PARD3B: variants seen among roughly 807,000 people sequenced by gnomAD.
The protein encoded by PARD3B is par-3 family cell polarity regulator beta.
A neutral mutation model predicts 130.2 loss-of-function variants in PARD3B; 103 were observed. That is an observed-to-expected ratio of 0.79 (90% CI 0.67 to 0.93). The LOEUF is 0.93. Among genes scored for constraint, PARD3B ranks in the 40% least tolerant of loss-of-function variants. The pLI is 0.00. For synonymous variants in PARD3B, 583 were observed against 553.2 expected, an observed-to-expected ratio of 1.05 and a Z score of -0.76; for missense variants, 1,609 against 1,499.2, an observed-to-expected ratio of 1.07 and a Z score of -1.21.
At chr2:204,594,886 G>T (rs1193917380) in intron 1 of PARD3B, among the ~76,000 whole-genome samples, 1 of 152,172 alleles carries the variant, frequency 6.6e-6, no homozygotes, top group African/African-American at 2.4e-5. Context: ...GTTGGTGTTT[G>T]TGAAGTCGTT....
chr2:205,157,238 AG>A (rs1158190596), intron 10 of PARD3B, among the ~76,000 whole-genome samples: 1 of 152,208 alleles, frequency 6.6e-6, no homozygotes, highest in Non-Finnish European at 1.5e-5. Context: ...TGAAAGACAA[AG>A]GTGAAGGCTA....
chr2:204,931,357 A>G (rs766747333), intron 2 of PARD3B, among the ~76,000 whole-genome samples: 51 of 152,212 alleles, frequency 3.4e-4, no homozygotes, highest in Non-Finnish European at 5.7e-4. Context: ...CTCTTAGCAT[A>G]GTGCCTGGCA....
intron 4 of PARD3B, among the ~76,000 whole-genome samples, chr2:205,089,146 C>G (rs1359977104): frequency 7.0e-6 from 1 of 143,266 alleles, no homozygotes; most frequent in African/African-American, 2.6e-5. Context: ...TTTTTTCTTT[C>G]TTTTTTTTTT....
intron 3 of PARD3B, among the ~76,000 whole-genome samples, chr2:204,971,840 T>A (rs1049850993): frequency 1.3e-5 from 2 of 150,706 alleles, no homozygotes; most frequent in Non-Finnish European, 3.0e-5. Flanking sequence ...TTTAATTTTT[T>A]TTTTTTTTTT....
intron 19 of PARD3B, among the ~76,000 whole-genome samples, chr2:205,429,125 G>A (rs148272608): frequency 1.4e-3 from 206 of 152,220 alleles, no homozygotes; most frequent in Non-Finnish European, 2.5e-3. Context: ...GAATGCAATT[G>A]AATAAAAATC....
At chr2:204,681,333 G>T (rs2036822582) in intron 1 of PARD3B, among the ~76,000 whole-genome samples, 2 of 152,090 alleles carry the variant, frequency 1.3e-5, no homozygotes, top group Non-Finnish European at 2.9e-5. Context: ...TGTAATTAAA[G>T]GTTTATAATT....
intron 2 of PARD3B, among the ~76,000 whole-genome samples, chr2:204,848,264 T>A (rs1299136070): frequency 2.0e-5 from 3 of 152,172 alleles, no homozygotes; most frequent in African/African-American, 4.8e-5. Context: ...TTGGAGCATA[T>A]CCCCTGTGGA....
At chr2:205,581,500 C>T (rs973487431) in intron 22 of PARD3B, among the ~76,000 whole-genome samples, 18 of 142,120 alleles carry the variant, frequency 1.3e-4, no homozygotes, top group African/African-American at 4.5e-4. Flanking sequence ...ACATGGTGCA[C>T]AAGGATGCAG....
chr2:204,666,289 A>C (rs2125194491), intron 1 of PARD3B, among the ~76,000 whole-genome samples: 1 of 152,318 alleles, frequency 6.6e-6, no homozygotes, highest in East Asian at 1.9e-4. Flanking sequence ...CTAATTGGAG[A>C]ACTGAGGAAG....
At chr2:205,328,961 T>C (rs1415231201) in intron 18 of PARD3B, among the ~76,000 whole-genome samples, 3 of 152,210 alleles carry the variant, frequency 2.0e-5, no homozygotes, top group Non-Finnish European at 2.9e-5. Flanking sequence ...CCTCAATGCA[T>C]TTCTACTACC....
At chr2:204,676,998 C>T (rs534878204) in intron 1 of PARD3B, among the ~76,000 whole-genome samples, 16 of 152,178 alleles carry the variant, frequency 1.1e-4, no homozygotes, top group Non-Finnish European at 1.6e-4. Context: ...ATCTTTCTTA[C>T]GCTGAGTTTC....
chr2:204,779,735 G>A (rs1479488150), intron 2 of PARD3B, among the ~76,000 whole-genome samples: 1 of 152,128 alleles, frequency 6.6e-6, no homozygotes, highest in African/African-American at 2.4e-5. Flanking sequence ...TAGAGTGGAT[G>A]GTATTCGAGG....
In PARD3B at chr2:205,148,540, TTAAG is replaced by T. The variant is rs2033527473; in HGVS notation, c.1435-10180_1435-10177del. On this transcript the variant is annotated intron_variant, in intron 10 of 22. Coordinates refer to ENST00000406610, the MANE Select transcript of PARD3B (RefSeq NM_001302769.2). ...CAGAAGATTAAATAATTTCAGAAAATTAAGTGTCTTGCAGGTGTCTTATCCTTTC... is the reference window on the plus strand; with the variant it reads ...CAGAAGATTAAATAATTTCAGAAAATTGTCTTGCAGGTGTCTTATCCTTTC... Among the ~76,000 whole-genome samples the T allele has an allele frequency of 2.0e-5, 3 of 152,262 alleles. No homozygotes were observed. In the South Asian group the frequency reaches 6.2e-4, roughly 32 times the overall value.
At chr2:204,630,457 CTCTA>C (rs1162463136) in intron 1 of PARD3B, among the ~76,000 whole-genome samples, 7 of 152,084 alleles carry the variant, frequency 4.6e-5, no homozygotes, top group African/African-American at 1.4e-4. Context: ...TTTTGAACAT[CTCTA>C]TCCATCTCAT....
rs2051303319 is a variant in PARD3B at position 205,525,625 on chromosome 2, CAGAATCAT to C, written c.3180+25596_3180+25603del. 6.6e-6 allele frequency among the ~76,000 whole-genome samples: 1 copy of C among 152,166 alleles called. No homozygotes were observed. The highest frequency in any genetic ancestry group is 2.4e-5 in the African/African-American group (1 of 41,446). On this transcript the variant is annotated intron_variant, in intron 21 of 22. Coordinates refer to ENST00000406610, the MANE Select transcript of PARD3B (RefSeq NM_001302769.2). This position sits in a 1 kb window ranked among gnomAD's most constrained non-coding sequence, Gnocchi z 4.2. ...TATTGTGCGGATGCTAATCTAATAA[CAGAATCAT>C]ATTTATAATACAGTAGGAAATTCTC...
chr2:205,043,928 G>A (rs1361030567), intron 3 of PARD3B, among the ~76,000 whole-genome samples: 2 of 150,774 alleles, frequency 1.3e-5, no homozygotes, highest in Admixed American at 1.3e-4. Flanking sequence ...CTAGCATTAG[G>A]TATATCTCCC....
At chr2:204,580,706 C>T (rs1179071445) in intron 1 of PARD3B, among the ~76,000 whole-genome samples, 2 of 152,074 alleles carry the variant, frequency 1.3e-5, no homozygotes, top group East Asian at 1.9e-4. Flanking sequence ...GTATTGTCCA[C>T]GTATGACCTC....
rs113164298 is a variant in PARD3B at position 205,528,194 on chromosome 2, C to A, written c.3181-25130C>A. On this transcript the variant is annotated intron_variant, in intron 21 of 22. Coordinates refer to ENST00000406610, the MANE Select transcript of PARD3B (RefSeq NM_001302769.2). ...ATGAAGCCTTCTCCAGCTGCTCCAG[C>A]CTCATCTCCCTCTCCCTGTCAGCAC... 1.4e-3 allele frequency among the ~76,000 whole-genome samples: 218 copies of A among 152,272 alleles called. 2 individuals carry two copies. Among genetic ancestry groups the A allele is most frequent in the African/African-American group, 3.8e-3 (158 of 41,548 alleles).
At chr2:205,511,594 C>T (rs2050590547) in intron 21 of PARD3B, among the ~76,000 whole-genome samples, 1 of 152,108 alleles carries the variant, frequency 6.6e-6, no homozygotes, top group Non-Finnish European at 1.5e-5. Flanking sequence ...ATAGCAGAAA[C>T]CCCTATGAAT....
Sources: allele counts gnomAD v4.1 joint callset (sites outside exome capture counted in the v4.1 genomes callset), GRCh38; gene constraint gnomAD v4.1.1; non-coding constraint Gnocchi (gnomAD v3.1); transcripts MANE v1.5; gene names NCBI Gene and HGNC (gene_info 2026-07-23, HGNC 2026-07-21).